P4HA1: variants seen among roughly 807,000 people sequenced by gnomAD.
The protein encoded by P4HA1 is prolyl 4-hydroxylase subunit alpha 1, also known as prolyl 4-hydroxylase subunit alpha-1.
P4HA1 carries 24 observed loss-of-function variants against 72.8 expected under a neutral mutation model. The ratio of observed to expected loss-of-function variants is 0.33; its 90% confidence interval spans 0.24 to 0.46. The LOEUF (loss-of-function observed/expected upper bound fraction) is 0.46, where lower values mean the gene tolerates loss of function less well. P4HA1 is among the 20% of genes least tolerant of loss of function. The pLI, the probability that P4HA1 is intolerant of heterozygous loss-of-function variation, is 1.00. For missense variants in P4HA1, 446 were observed against 640.6 expected (o/e 0.70, Z 3.28); for synonymous variants, 201 against 218.8 (o/e 0.92, Z 0.72).
At chr10:73,017,798 T>A (rs942651161) in intron 10 of P4HA1, among the ~76,000 whole-genome samples, 1 of 152,196 alleles carries the variant, frequency 6.6e-6, no homozygotes, top group Non-Finnish European at 1.5e-5. Flanking sequence ...TTAATTACAA[T>A]GTAACTTTGG....
chr10:73,092,351 T>C (rs543464690), intron 1 of P4HA1, among the ~76,000 whole-genome samples: 80 of 145,156 alleles, frequency 5.5e-4, no homozygotes, highest in East Asian at 2.8e-3. Flanking sequence ...CTTTTCTTTT[T>C]TTTTTTTTTT....
chr10:73,096,551 G>T (rs979113093), intron 1 of P4HA1, among the ~76,000 whole-genome samples: 1 of 152,234 alleles, frequency 6.6e-6, no homozygotes, highest in Non-Finnish European at 1.5e-5. Context: ...GAGGTGGGAA[G>T]GGGGGCACGA....
At chr10:73,030,900 C>T (rs769905215) in intron 9 of P4HA1, among the ~76,000 whole-genome samples, 2 of 152,042 alleles carry the variant, frequency 1.3e-5, no homozygotes, top group Non-Finnish European at 2.9e-5. Flanking sequence ...AAACTGGAGC[C>T]CTCATACATT....
intron 9 of P4HA1, chr10:73,043,837 A>T (rs181656468): frequency 3.5e-4 from 468 of 1,353,532 alleles, no homozygotes; most frequent in Non-Finnish European, 4.0e-4. Flanking sequence ...TAGATTCCCA[A>T]GAAAGAAATG....
At chr10:73,088,501 TA>T (rs1378411816) in intron 1 of P4HA1, among the ~76,000 whole-genome samples, 3 of 152,202 alleles carry the variant, frequency 2.0e-5, no homozygotes, top group African/African-American at 7.2e-5. Flanking sequence ...TTCTGGTCAA[TA>T]AAAACCAAAG....
At chr10:73,069,440 A>G (rs112940221) in intron 4 of P4HA1, among the ~76,000 whole-genome samples, 2,487 of 152,326 alleles carry the variant, frequency 0.016, 62 homozygotes, top group African/African-American at 0.057. Context: ...ATTACACATT[A>G]TATAAATATG....
intron 4 of P4HA1, among the ~76,000 whole-genome samples, chr10:73,070,717 TATA>T (rs1425137267): frequency 6.6e-6 from 1 of 152,204 alleles, no homozygotes; most frequent in Non-Finnish European, 1.5e-5. Flanking sequence ...TATAGAAGGC[TATA>T]ATATCTCTTA....
In P4HA1 at chr10:73,057,537, C is replaced by G. The variant is rs937931774; in HGVS notation, c.464-3947G>C. ...CAAAACACACACAAAGACAAAAAAA[C>G]TAAAGTCTGTCTACTTGGAATTCTA... On this transcript the variant is annotated intron_variant, in intron 5 of 14. Coordinates refer to ENST00000394890, the MANE Select transcript of P4HA1 (RefSeq NM_001017962.3). Among the ~76,000 whole-genome samples the G allele has an allele frequency of 4.0e-5, 6 of 151,846 alleles. No individual in the cohort carries two copies. The South Asian group carries it at 1.2e-3, about 32-fold the overall frequency.
intron 5 of P4HA1, among the ~76,000 whole-genome samples, chr10:73,058,702 T>C (rs1326281003): frequency 6.6e-6 from 1 of 151,290 alleles, no homozygotes; most frequent in Non-Finnish European, 1.5e-5. Context: ...TGAGGATTTC[T>C]ATACATGAAG....
chr10:73,069,965 A>G (rs990216798), intron 4 of P4HA1, among the ~76,000 whole-genome samples: 3 of 151,618 alleles, frequency 2.0e-5, no homozygotes, highest in African/African-American at 7.3e-5. Context: ...ATGTGCCACC[A>G]CACCTGGCTA....
chr10:73,041,069 G>A (rs891832191), intron 9 of P4HA1, among the ~76,000 whole-genome samples: 1 of 152,072 alleles, frequency 6.6e-6, no homozygotes, highest in Non-Finnish European at 1.5e-5. Context: ...CTATCTATTA[G>A]TGTTCCTTAA....
chr10:73,084,346 G>A (rs757987391), intron 1 of P4HA1, among the ~76,000 whole-genome samples: 1 of 152,222 alleles, frequency 6.6e-6, no homozygotes, highest in South Asian at 2.1e-4. Flanking sequence ...AGTCTGGAGT[G>A]CAGTGGAGCA....
rs1361659153 is a variant in P4HA1 at position 73,037,559 on chromosome 10, ATATATATATATATTT to A, written c.1149-7204_1149-7190del. On this transcript the variant is annotated intron_variant, in intron 9 of 14. Coordinates refer to ENST00000394890, the MANE Select transcript of P4HA1 (RefSeq NM_001017962.3). The stretch of plus-strand genomic sequence containing the variant: ...TATATATATATATATATATATATAT[ATATATATATATATTT>A]TTTTTTTTTTTTTTTTACAAAGGCA... Among the ~76,000 whole-genome samples, 40 of 32,268 alleles carry A rather than the reference ATATATATATATATTT, an allele frequency of 1.2e-3. 2 individuals carry two copies. The highest frequency in any genetic ancestry group is 4.7e-3 in the East Asian group (4 of 852). The allele number at this position is 32,268 out of a possible 152,430, so 21.2% of individuals were successfully genotyped here.
intron 1 of P4HA1, among the ~76,000 whole-genome samples, chr10:73,090,464 T>G (rs535059472): frequency 6.6e-6 from 1 of 152,344 alleles, no homozygotes; most frequent in South Asian, 2.1e-4. Flanking sequence ...GATGGATATG[T>G]TCCTTATCTT....
intron 5 of P4HA1, among the ~76,000 whole-genome samples, chr10:73,062,417 A>G (rs1841333003): frequency 6.6e-6 from 1 of 152,178 alleles, no homozygotes; most frequent in Non-Finnish European, 1.5e-5. Context: ...ACAAGCCTAC[A>G]CAAGAAAATA....
intron 5 of P4HA1, among the ~76,000 whole-genome samples, chr10:73,059,928 G>A (rs1841272842): frequency 6.6e-6 from 1 of 151,756 alleles, no homozygotes; most frequent in African/African-American, 2.4e-5. Flanking sequence ...CCGGGCAACA[G>A]AACAAGATAT....
chr10:73,083,149 A>T (rs977819644), intron 1 of P4HA1, among the ~76,000 whole-genome samples: 1 of 152,248 alleles, frequency 6.6e-6, no homozygotes, highest in Non-Finnish European at 1.5e-5. Flanking sequence ...AATTACTAAT[A>T]GAATTAGTTA....
Position 73,008,136 on chromosome 10 carries a change from T to C in P4HA1, c.*86A>G, listed in dbSNP as rs1407538382. ...AATCAATCATGGAGTGTTAGTCAAT[T>C]GTAAACTCCTGAAAGTTAAGACTAG... On this transcript the variant is annotated 3_prime_UTR_variant, in exon 15 of 15. Coordinates refer to ENST00000394890, the MANE Select transcript of P4HA1 (RefSeq NM_001017962.3). The C allele has an allele frequency of 3.8e-6, 3 of 788,034 alleles. No individual in the cohort carries two copies. Among genetic ancestry groups the C allele is most frequent in the Non-Finnish European group, 6.6e-6 (3 of 456,540 alleles). The allele number at this position is 788,034 out of a possible 1,614,324, so 48.8% of individuals were successfully genotyped here.
chr10:73,017,335 C>A (rs954738863), intron 10 of P4HA1, among the ~76,000 whole-genome samples: 2 of 150,526 alleles, frequency 1.3e-5, no homozygotes, highest in Non-Finnish European at 3.0e-5. Flanking sequence ...ACATATGTAC[C>A]CCTCCCCACC....
Sources: gnomAD v4.1 joint callset for allele counts (sites outside exome capture counted in the v4.1 genomes callset) on GRCh38, gnomAD v4.1.1 for gene constraint, MANE v1.5 for transcripts, NCBI Gene and HGNC (gene_info 2026-07-23, HGNC 2026-07-21) for gene names.